LUZP2: variants seen among roughly 807,000 people sequenced by gnomAD.
LUZP2 encodes leucine zipper protein 2.
Under a neutral mutation model 51.6 loss-of-function variants are expected in LUZP2, and 52 were observed. The ratio of observed to expected loss-of-function variants is 1.01; its 90% CI spans 0.81 to 1.27. The LOEUF is 1.27. LUZP2 is among the 50% of genes most tolerant of loss of function. LUZP2 has a pLI of 0.00. For synonymous variants in LUZP2, 154 were observed against 137.3 expected (o/e 1.12, Z -0.85); for missense variants, 436 against 395.4 (o/e 1.10, Z -0.87).
chr11:24,877,497 C>T (rs529422608), intron 5 of LUZP2, among the ~76,000 whole-genome samples: 4 of 152,052 alleles, frequency 2.6e-5, no homozygotes, highest in African/African-American at 7.2e-5. Context: ...TTGTGGGGTA[C>T]ATGAGATGTT....
chr11:24,865,628 A>G (rs560476427), intron 5 of LUZP2, among the ~76,000 whole-genome samples: 1 of 151,784 alleles, frequency 6.6e-6, no homozygotes, highest in African/African-American at 2.4e-5. Flanking sequence ...TATCCCTCAG[A>G]TGGTTATTTG....
Position 24,713,176 on chromosome 11 carries a change from A to C in LUZP2, c.63-15993A>C, listed in dbSNP as rs1010444933. On this transcript the variant is annotated intron_variant, in intron 1 of 11. Coordinates refer to ENST00000336930, the MANE Select transcript of LUZP2 (RefSeq NM_001009909.4). ...CTGATACAAAGAAATGTGTCTGAAC[A>C]AGAGTGACTTCAGATAGCATAGAAG... Among the ~76,000 whole-genome samples the C allele has an allele frequency of 5.3e-5, 8 of 152,204 alleles. No homozygotes were observed. In the East Asian group the frequency reaches 1.4e-3, roughly 26 times the overall value.
chr11:24,668,772 A>G (rs1023318475), intron 1 of LUZP2, among the ~76,000 whole-genome samples: 1 of 152,176 alleles, frequency 6.6e-6, no homozygotes, highest in South Asian at 2.1e-4. Context: ...CTGAAACTCA[A>G]CTTCTCTCAT....
intron 7 of LUZP2, among the ~76,000 whole-genome samples, chr11:24,925,287 A>G (rs776884215): frequency 3.3e-5 from 5 of 152,174 alleles, no homozygotes; most frequent in Middle Eastern, 3.4e-3. Context: ...TCTGACCCCC[A>G]TCTTCTCATC....
chr11:24,657,303 T>C (rs1357484361), intron 1 of LUZP2, among the ~76,000 whole-genome samples: 3 of 152,162 alleles, frequency 2.0e-5, no homozygotes, highest in Non-Finnish European at 4.4e-5. Context: ...TTAGAAAAAG[T>C]AGAGGCCAAA....
intron 5 of LUZP2, among the ~76,000 whole-genome samples, chr11:24,820,319 G>A (rs1014092208): frequency 6.6e-6 from 1 of 152,172 alleles, no homozygotes; most frequent in Non-Finnish European, 1.5e-5. Flanking sequence ...CTATGGGCAA[G>A]TGAAAATCCA....
intron 10 of LUZP2, among the ~76,000 whole-genome samples, chr11:25,061,675 G>C (rs987172437): frequency 1.3e-5 from 2 of 151,990 alleles, no homozygotes; most frequent in African/African-American, 4.8e-5. Flanking sequence ...ACTACTCTTT[G>C]TATTGTTTTA....
At chr11:24,497,457 C>T (rs1393896212) in intron 1 of LUZP2, 152 bp downstream of exon 1, 1 of 484,180 alleles carries the variant, frequency 2.1e-6, no homozygotes, top group African/African-American at 2.0e-5. Context: ...GCTCTGAAAT[C>T]CTTCTGAGAG....
chr11:24,711,018 A>G (rs1342818622), intron 1 of LUZP2, among the ~76,000 whole-genome samples: 1 of 151,962 alleles, frequency 6.6e-6, no homozygotes, highest in Non-Finnish European at 1.5e-5. Context: ...AAAAGAAAAC[A>G]CTGATATGCT....
intron 1 of LUZP2, among the ~76,000 whole-genome samples, chr11:24,520,908 C>T (rs1850618867): frequency 6.6e-6 from 1 of 152,178 alleles, no homozygotes; most frequent in Non-Finnish European, 1.5e-5. Context: ...GCAGACAAGT[C>T]AAGAGAGTGG....
At chr11:24,529,867 T>C (rs1850940607) in intron 1 of LUZP2, among the ~76,000 whole-genome samples, 2 of 151,070 alleles carry the variant, frequency 1.3e-5, no homozygotes, top group South Asian at 4.1e-4. Flanking sequence ...TAATTAACAA[T>C]ATTTGATCTA....
At chr11:24,885,079 G>T (rs1290916843) in intron 5 of LUZP2, among the ~76,000 whole-genome samples, 3 of 152,018 alleles carry the variant, frequency 2.0e-5, no homozygotes, top group Admixed American at 6.6e-5. Context: ...CAGACAGAGA[G>T]ACATATCATC....
At chr11:25,076,997 T>C (rs1285293160) in intron 10 of LUZP2, among the ~76,000 whole-genome samples, 2 of 152,076 alleles carry the variant, frequency 1.3e-5, no homozygotes, top group African/African-American at 4.8e-5. Flanking sequence ...AATCACAGAG[T>C]CTGGATGCAT....
At chr11:24,580,863 T>C (rs1162122920) in intron 1 of LUZP2, among the ~76,000 whole-genome samples, 1 of 152,140 alleles carries the variant, frequency 6.6e-6, no homozygotes, top group African/African-American at 2.4e-5. Context: ...TGTTCTAGCA[T>C]TACAAACAGA....
intron 5 of LUZP2, among the ~76,000 whole-genome samples, chr11:24,870,940 A>AT (rs539301148): frequency 2.6e-4 from 39 of 151,970 alleles, no homozygotes; most frequent in Non-Finnish European, 2.9e-4. Flanking sequence ...TCAGTTAACC[A>AT]TTTTTTTGGT....
intron 4 of LUZP2, among the ~76,000 whole-genome samples, chr11:24,748,054 C>T (rs988692065): frequency 7.9e-5 from 12 of 152,130 alleles, no homozygotes; most frequent in African/African-American, 2.7e-4. Flanking sequence ...TTGTACCCTT[C>T]CCCCAGTTCT....
intron 1 of LUZP2, among the ~76,000 whole-genome samples, chr11:24,530,193 G>C (rs769627477): frequency 2.0e-5 from 3 of 150,726 alleles, no homozygotes; most frequent in African/African-American, 7.3e-5. Context: ...TAAATGCAAT[G>C]TACATGATTA....
At chr11:24,533,544 C>T (rs962752707) in intron 1 of LUZP2, among the ~76,000 whole-genome samples, 16 of 151,202 alleles carry the variant, frequency 1.1e-4, no homozygotes, top group African/African-American at 3.9e-4. Flanking sequence ...GACGTACTTT[C>T]AAAAGAATAT....
At chr11:24,685,725 T>G (rs567660882) in intron 1 of LUZP2, among the ~76,000 whole-genome samples, 1 of 152,206 alleles carries the variant, frequency 6.6e-6, no homozygotes, top group East Asian at 1.9e-4. Context: ...CCATGAAATA[T>G]CATAAACTAA....
Sources: allele counts gnomAD v4.1 joint callset (sites outside exome capture counted in the v4.1 genomes callset), GRCh38; gene constraint gnomAD v4.1.1; transcripts MANE v1.5; gene names NCBI Gene and HGNC (gene_info 2026-07-23, HGNC 2026-07-21).